Variants in ARHGAP26 observed in about 807,000 individuals in gnomAD.
ARHGAP26 encodes Rho GTPase activating protein 26.
Under a neutral mutation model 104.8 loss-of-function variants are expected in ARHGAP26, and 38 were observed. That is an observed-to-expected ratio of 0.36 (90% CI 0.28 to 0.48). ARHGAP26 has a LOEUF of 0.48. ARHGAP26 is among the 20% of genes least tolerant of loss of function. The probability of loss-of-function intolerance (pLI) is 0.99; values close to 1 mark genes in which losing one functional copy is unlikely to be tolerated. For synonymous variants in ARHGAP26, 341 were observed against 340.0 expected (o/e 1.00, Z -0.03); for missense variants, 704 against 947.9 (o/e 0.74, Z 3.38).
At chr5:142,991,274 A>G (rs908081471) in intron 11 of ARHGAP26, among the ~76,000 whole-genome samples, 1 of 152,212 alleles carries the variant, frequency 6.6e-6, no homozygotes, top group African/African-American at 2.4e-5. Context: ...TGTGCAGGAT[A>G]TAATCTCCTG....
intron 1 of ARHGAP26, among the ~76,000 whole-genome samples, chr5:142,831,597 C>T (rs1561916600): frequency 6.6e-6 from 1 of 151,962 alleles, no homozygotes; most frequent in Admixed American, 6.6e-5. Context: ...ATGTCTCAAA[C>T]GCAAGCCACC....
chr5:142,783,478 A>G (rs537493198), intron 1 of ARHGAP26, among the ~76,000 whole-genome samples: 1 of 150,126 alleles, frequency 6.7e-6, no homozygotes, highest in African/African-American at 2.4e-5. Context: ...TATGTTTCAC[A>G]TTTTTTTTTT....
intron 11 of ARHGAP26, among the ~76,000 whole-genome samples, chr5:142,956,553 G>A (rs1160092100): frequency 6.6e-6 from 1 of 152,038 alleles, no homozygotes; most frequent in Non-Finnish European, 1.5e-5. Flanking sequence ...TTCCAGCCTG[G>A]GTGACAGAGA....
At chr5:142,988,031 C>G (rs1220993626) in intron 11 of ARHGAP26, among the ~76,000 whole-genome samples, 3 of 152,170 alleles carry the variant, frequency 2.0e-5, no homozygotes, top group Non-Finnish European at 2.9e-5. Context: ...GGAGGATTCC[C>G]TCTTTTTCTA....
chr5:143,044,054 G>A (rs1036156421), intron 14 of ARHGAP26, among the ~76,000 whole-genome samples: 1 of 152,154 alleles, frequency 6.6e-6, no homozygotes. Flanking sequence ...TGAGGAACTT[G>A]AATACTGAGC....
At chr5:143,020,513 G>T (rs1165193937) in intron 12 of ARHGAP26, among the ~76,000 whole-genome samples, 1 of 152,002 alleles carries the variant, frequency 6.6e-6, no homozygotes, top group East Asian at 1.9e-4. Flanking sequence ...TTGAAAAATG[G>T]AAATTTCCTC....
chr5:142,925,794 A>G (rs1033163113), intron 10 of ARHGAP26, among the ~76,000 whole-genome samples: 4 of 152,104 alleles, frequency 2.6e-5, no homozygotes, highest in African/African-American at 9.7e-5. Context: ...TTGACCCTTA[A>G]ATATACAGTA....
chr5:143,080,432 A>G (rs1789639676), intron 17 of ARHGAP26, among the ~76,000 whole-genome samples: 1 of 152,200 alleles, frequency 6.6e-6, no homozygotes, highest in Non-Finnish European at 1.5e-5. Context: ...TTGAGGATGG[A>G]CAAGGAGCTG....
At chr5:143,147,696 A>G (rs1390354732) in intron 20 of ARHGAP26, among the ~76,000 whole-genome samples, 1 of 152,174 alleles carries the variant, frequency 6.6e-6, no homozygotes, top group Non-Finnish European at 1.5e-5. Context: ...AAGTTTTACA[A>G]ACGTCCAGGG....
At chr5:143,055,260 A>C (rs1488896334) in intron 15 of ARHGAP26, among the ~76,000 whole-genome samples, 1 of 152,196 alleles carries the variant, frequency 6.6e-6, no homozygotes, top group Non-Finnish European at 1.5e-5. Context: ...AGATTTTTTG[A>C]AGATGGAATT....
chr5:142,954,353 G>T (rs1030097170), intron 11 of ARHGAP26, among the ~76,000 whole-genome samples: 2 of 152,138 alleles, frequency 1.3e-5, no homozygotes, highest in Non-Finnish European at 2.9e-5. Flanking sequence ...TTGGCTTCTC[G>T]TAGAGTCCCT....
intron 10 of ARHGAP26, among the ~76,000 whole-genome samples, chr5:142,922,892 G>T (rs1313874285): frequency 6.6e-6 from 1 of 152,046 alleles, no homozygotes; most frequent in Non-Finnish European, 1.5e-5. Flanking sequence ...TAGAGTGCTG[G>T]TCTCAATGCC....
intron 12 of ARHGAP26, among the ~76,000 whole-genome samples, chr5:143,017,543 A>C (rs1412866832): frequency 6.6e-6 from 1 of 152,038 alleles, no homozygotes; most frequent in Admixed American, 6.6e-5. Context: ...TTATTCATCC[A>C]TTCCCTTTTA....
intron 11 of ARHGAP26, among the ~76,000 whole-genome samples, chr5:142,974,278 A>T (rs1193052473): frequency 6.7e-6 from 1 of 149,632 alleles, no homozygotes; most frequent in African/African-American, 2.5e-5. Context: ...TTCTCGACCT[A>T]CCTGGTTACG....
At chr5:142,930,765 A>G (rs1486713889) in intron 10 of ARHGAP26, among the ~76,000 whole-genome samples, 2 of 152,094 alleles carry the variant, frequency 1.3e-5, no homozygotes, top group African/African-American at 2.4e-5. Context: ...CCACGGCTCT[A>G]AATTTTTAAG....
chr5:142,871,569 A>C lies in ARHGAP26; in HGVS notation c.155-1831A>C, dbSNP rs1755312627. On this transcript the variant is annotated intron_variant, in intron 1 of 22. Transcript: ENST00000645722. The surrounding 1 kb of genome is among the most constrained non-coding windows in gnomAD (Gnocchi z 4.1). ...ATGTGTATAACCACACCCACATTTG[A>C]TGCACACACATTTGGAGGCTCTAAC... Among the ~76,000 whole-genome samples the C allele has an allele frequency of 6.6e-6, 1 of 152,230 alleles. No individual in the cohort carries two copies. Among genetic ancestry groups the C allele is most frequent in the Non-Finnish European group, 1.5e-5 (1 of 68,042 alleles).
intron 6 of ARHGAP26, among the ~76,000 whole-genome samples, chr5:142,895,186 C>A (rs1314707641): frequency 6.6e-6 from 1 of 152,150 alleles, no homozygotes; most frequent in African/African-American, 2.4e-5. Context: ...CATCTCTGTA[C>A]AAATAAGATT....
chr5:142,807,101 G>A (rs917986781), intron 1 of ARHGAP26, among the ~76,000 whole-genome samples: 7 of 152,312 alleles, frequency 4.6e-5, no homozygotes, highest in Admixed American at 4.6e-4. Flanking sequence ...AATGACAACC[G>A]TGATAATGGT....
intron 21 of ARHGAP26, among the ~76,000 whole-genome samples, chr5:143,210,250 C>T (rs957968426): frequency 2.6e-5 from 4 of 152,012 alleles, no homozygotes; most frequent in South Asian, 4.2e-4. Context: ...TCATGGATGG[C>T]GGCAGGCAAA....
Sources: gnomAD v4.1 joint callset for allele counts (sites outside exome capture counted in the v4.1 genomes callset) on GRCh38, gnomAD v4.1.1 for gene constraint, Gnocchi (gnomAD v3.1) non-coding constraint, MANE v1.5 for transcripts, NCBI Gene and HGNC (gene_info 2026-07-23, HGNC 2026-07-21) for gene names.